BMP5: variants seen among roughly 807,000 people sequenced by gnomAD.
BMP5 encodes bone morphogenetic protein 5.
In BMP5, 23 loss-of-function variants were observed where a neutral mutation model predicts 46.6. The ratio of observed to expected loss-of-function variants is 0.49; its 90% CI spans 0.35 to 0.70. The LOEUF (loss-of-function observed/expected upper bound fraction) is 0.70. BMP5 is among the 30% of genes least tolerant of loss of function. The probability of loss-of-function intolerance (pLI) is 0.00; values close to 1 mark genes in which losing one functional copy is unlikely to be tolerated. For synonymous variants in BMP5, 204 were observed against 191.9 expected, an observed-to-expected ratio of 1.06 and a Z score of -0.52; for missense variants, 545 against 565.6, an observed-to-expected ratio of 0.96 and a Z score of 0.37.
At chr6:55,851,940 A>G (rs1227568886) in intron 1 of BMP5, among the ~76,000 whole-genome samples, 1 of 152,212 alleles carries the variant, frequency 6.6e-6, no homozygotes, top group Non-Finnish European at 1.5e-5. Flanking sequence ...ACTCTGCAAG[A>G]AAGTTGAAGA....
At chr6:55,813,549 G>A (rs941219040) in intron 2 of BMP5, among the ~76,000 whole-genome samples, 1 of 145,252 alleles carries the variant, frequency 6.9e-6, no homozygotes, top group Non-Finnish European at 1.5e-5. Context: ...CAGCACTTTT[G>A]GGGGCCGAGG....
At chr6:55,839,950 C>T (rs980714927) in intron 1 of BMP5, among the ~76,000 whole-genome samples, 3 of 151,938 alleles carry the variant, frequency 2.0e-5, no homozygotes, top group Admixed American at 1.3e-4. Context: ...TAGACACGTG[C>T]TTGGTTCTGT....
chr6:55,782,952 T>C (rs990242735), intron 3 of BMP5, among the ~76,000 whole-genome samples: 3 of 152,144 alleles, frequency 2.0e-5, no homozygotes, highest in African/African-American at 7.2e-5. Context: ...AAGTACACAG[T>C]AGTCCACTTT....
At chr6:55,824,281 GA>G (rs201640711) in intron 1 of BMP5, among the ~76,000 whole-genome samples, 17 of 149,662 alleles carry the variant, frequency 1.1e-4, no homozygotes, top group African/African-American at 2.7e-4. Flanking sequence ...TAAATGAGAA[GA>G]AAAAAAAACA....
chr6:55,798,305 A>ATAATAC, intron 2 of BMP5, among the ~76,000 whole-genome samples: 1 of 152,324 alleles, frequency 6.6e-6, no homozygotes, highest in South Asian at 2.1e-4. Flanking sequence ...AATTCAACCC[A>ATAATAC]TAATACTAAT....
intron 1 of BMP5, among the ~76,000 whole-genome samples, chr6:55,848,283 T>C (rs904239098): frequency 6.6e-6 from 1 of 152,008 alleles, no homozygotes; most frequent in Non-Finnish European, 1.5e-5. Context: ...CACTTTGGTA[T>C]AATCATTCAA....
intron 3 of BMP5, among the ~76,000 whole-genome samples, chr6:55,793,970 T>C (rs1186752248): frequency 6.6e-6 from 1 of 152,164 alleles, no homozygotes; most frequent in Non-Finnish European, 1.5e-5. Flanking sequence ...ATTATTTTGG[T>C]ATTGTTGTAT....
At chr6:55,812,051 T>C (rs1238233400) in intron 2 of BMP5, among the ~76,000 whole-genome samples, 1 of 152,110 alleles carries the variant, frequency 6.6e-6, no homozygotes, top group Non-Finnish European at 1.5e-5. Context: ...CACTCCAAGC[T>C]CAGCTGAATT....
chr6:55,821,209 G>T (rs970747426), intron 1 of BMP5, among the ~76,000 whole-genome samples: 1 of 152,076 alleles, frequency 6.6e-6, no homozygotes, highest in African/African-American at 2.4e-5. Context: ...CACATTTGAA[G>T]CTCCTGACAA....
chr6:55,874,989 T>C lies in BMP5; in HGVS notation c.-124A>G. 9.0e-7 allele frequency: 1 copy of C among 1,117,232 alleles called. No homozygotes were observed. Among genetic ancestry groups the C allele is most frequent in the Non-Finnish European group, 1.3e-6 (1 of 777,086 alleles). The allele number at this position is 1,117,232 out of a possible 1,614,324, so 69.2% of individuals were successfully genotyped here. On this transcript the variant is annotated 5_prime_UTR_variant, in exon 1 of 7. An upstream start codon of the reference 5' UTR is lost. Coordinates refer to ENST00000370830, the MANE Select transcript of BMP5 (RefSeq NM_021073.4). ...AAAAAACAAATTTACCTATTTTTCA[T>C]GACAGTGACATTTCTGAGCACAACA...
intron 2 of BMP5, among the ~76,000 whole-genome samples, chr6:55,805,470 G>T (rs1028242895): frequency 1.3e-5 from 2 of 152,178 alleles, no homozygotes; most frequent in African/African-American, 4.8e-5. Context: ...AGTATTCCAT[G>T]GTGTATATGT....
chr6:55,856,996 A>G (rs563909105), intron 1 of BMP5, among the ~76,000 whole-genome samples: 14 of 152,246 alleles, frequency 9.2e-5, no homozygotes, highest in African/African-American at 2.9e-4. Context: ...CTTTCCATAT[A>G]CAGAGTTGAC....
At chr6:55,815,609 G>A (rs758807956) in intron 2 of BMP5, among the ~76,000 whole-genome samples, 27 of 151,988 alleles carry the variant, frequency 1.8e-4, no homozygotes, top group Admixed American at 6.6e-4. Flanking sequence ...GAAACAATAC[G>A]TAGCTATAGT....
At position 55,803,959 on chromosome 6, in the gene BMP5, T is replaced by C. The variant is rs183998384; in HGVS notation, c.684-9532A>G. On this transcript the variant is annotated intron_variant, in intron 2 of 6. Transcript: ENST00000370830. ...AGCTAACTTTAGACCCATCACAAGATAGAGAAGCAACAGCCTTACAAGAAC... is the reference window on the plus strand; with the variant it reads ...AGCTAACTTTAGACCCATCACAAGACAGAGAAGCAACAGCCTTACAAGAAC... Among the ~76,000 whole-genome samples the C allele has an allele frequency of 5.2e-4, 79 of 152,318 alleles. No individual in the cohort carries two copies. In the South Asian group the frequency reaches 0.016, roughly 30 times the overall value.
chr6:55,802,305 A>C lies in BMP5; in HGVS notation c.684-7878T>G, dbSNP rs975715914. ...CGACTCCTCATGCCAGTGAATCAAG[A>C]AGCCAGTAAGTGGTTACTATACCAT... On this transcript the variant is annotated intron_variant, in intron 2 of 6. Coordinates refer to ENST00000370830, the MANE Select transcript of BMP5 (RefSeq NM_021073.4). Among the ~76,000 whole-genome samples, 11 of 152,308 alleles carry C rather than the reference A, an allele frequency of 7.2e-5. 1 individual carries two copies. Among genetic ancestry groups the C allele is most frequent in the African/African-American group, 2.6e-4 (11 of 41,564 alleles).
intron 6 of BMP5, among the ~76,000 whole-genome samples, chr6:55,757,881 T>C (rs1347813191): frequency 6.6e-6 from 1 of 152,002 alleles, no homozygotes; most frequent in Non-Finnish European, 1.5e-5. Context: ...TCGTATTTTA[T>C]TAAGTCAATA....
intron 5 of BMP5, among the ~76,000 whole-genome samples, chr6:55,760,112 G>T (rs1456771144): frequency 2.6e-5 from 4 of 151,834 alleles, no homozygotes; most frequent in African/African-American, 9.7e-5. Context: ...ACCCTCAGAG[G>T]CTTAGTGGAG....
At chr6:55,817,008 A>T (rs1253755364) in intron 2 of BMP5, among the ~76,000 whole-genome samples, 1 of 152,244 alleles carries the variant, frequency 6.6e-6, no homozygotes, top group East Asian at 1.9e-4. Context: ...AACGCTCATC[A>T]TCACTGGCCA....
chr6:55,800,906 A>G (rs188608274), intron 2 of BMP5, among the ~76,000 whole-genome samples: 43 of 152,318 alleles, frequency 2.8e-4, no homozygotes, highest in African/African-American at 1.0e-3. Context: ...CTCCCAAACC[A>G]TAACTCAATT....
Sources: gnomAD v4.1 joint callset for allele counts (sites outside exome capture counted in the v4.1 genomes callset) on GRCh38, gnomAD v4.1.1 for gene constraint, MANE v1.5 for transcripts, NCBI Gene and HGNC (gene_info 2026-07-23, HGNC 2026-07-21) for gene names.